RAD54B: variants seen among roughly 807,000 people sequenced by gnomAD.
RAD54B encodes the protein RAD54 homolog B.
RAD54B carries 78 observed loss-of-function variants against 95.8 expected under a neutral mutation model. The ratio of observed to expected loss-of-function variants is 0.81; its 90% CI spans 0.68 to 0.98. The LOEUF (loss-of-function observed/expected upper bound fraction) is 0.98. RAD54B is among the 50% of genes least tolerant of loss of function. The pLI is 0.00. For synonymous variants in RAD54B, 328 were observed against 354.9 expected (o/e 0.92, Z 0.85); for missense variants, 957 against 1,056.6 (o/e 0.91, Z 1.31).
intron 9 of RAD54B, among the ~76,000 whole-genome samples, chr8:94,392,195 A>C (rs1811039685): frequency 5.9e-5 from 9 of 152,330 alleles, no homozygotes; most frequent in Admixed American, 4.6e-4. Context: ...GTAGACCATA[A>C]TTTAACCATT....
chr8:94,451,433 C>A (rs898949785), intron 3 of RAD54B, among the ~76,000 whole-genome samples: 2 of 152,076 alleles, frequency 1.3e-5, no homozygotes, highest in Non-Finnish European at 2.9e-5. Flanking sequence ...AGAATGCCAA[C>A]TAATAAATAT....
At chr8:94,421,996 CTA>C (rs1329521331) in intron 3 of RAD54B, among the ~76,000 whole-genome samples, 1 of 152,174 alleles carries the variant, frequency 6.6e-6, no homozygotes, top group African/African-American at 2.4e-5. Context: ...CTATTTCCAG[CTA>C]TAGACTTTTA....
At chr8:94,473,676 T>A (rs890551802) in intron 1 of RAD54B, among the ~76,000 whole-genome samples, 1 of 152,212 alleles carries the variant, frequency 6.6e-6, no homozygotes, top group Non-Finnish European at 1.5e-5. Context: ...TGGGTTCGTC[T>A]GGGCTTTAAA....
intron 10 of RAD54B, 115 bp from the exon 11 acceptor site, chr8:94,387,274 C>A: frequency 1.2e-6 from 1 of 841,284 alleles, no homozygotes; most frequent in Non-Finnish European, 1.8e-6. Flanking sequence ...CTGAAAAGTC[C>A]AAGAAACTGT....
rs377096510 is a variant in RAD54B, at chr8:94,395,857, C to T, written c.1379-1975G>A. On this transcript the variant is annotated intron_variant, in intron 8 of 14. Transcript: ENST00000336148. ...AAATATGGCAGAGCAGAAGACATAA[C>T]CAGAATCCTTGATGACAACGTTGGG... Among the ~76,000 whole-genome samples, 4 of 152,178 alleles carry T rather than the reference C, an allele frequency of 2.6e-5. No homozygotes were observed. In the East Asian group the frequency reaches 7.7e-4, roughly 29 times the overall value.
chr8:94,383,284 C>CAAAAAAAA lies in RAD54B; in HGVS notation c.1986-2886_1986-2879dup, dbSNP rs34552024. Among the ~76,000 whole-genome samples, 5 of 83,172 alleles carry CAAAAAAAA rather than the reference C, an allele frequency of 6.0e-5. 1 individual carries two copies. Among genetic ancestry groups the CAAAAAAAA allele is most frequent in the Non-Finnish European group, 1.1e-4 (5 of 45,518 alleles). 54.6% of individuals were successfully genotyped at this position (83,172 alleles called of 152,430 possible). A position where few individuals can be genotyped will look rare whatever the true frequency, so the allele number is the denominator to read the frequency against. On this transcript the variant is annotated intron_variant, in intron 11 of 14. Coordinates refer to ENST00000336148, the MANE Select transcript of RAD54B (RefSeq NM_012415.3). ...TGGGCAACAGAGCAAGACTCCATCT[C>CAAAAAAAA]AAAAAAAAAAAAAAAAAAAGCCCCA...
At chr8:94,399,992 G>A (rs897710091) in intron 7 of RAD54B, among the ~76,000 whole-genome samples, 1 of 150,930 alleles carries the variant, frequency 6.6e-6, no homozygotes, top group Admixed American at 6.6e-5. Context: ...CTACCCTCAC[G>A]ACCTCATTTA....
At chr8:94,429,545 A>C (rs1242817028) in intron 3 of RAD54B, 1 of 983,686 alleles carries the variant, frequency 1.0e-6, no homozygotes, top group East Asian at 1.1e-4. Context: ...CTGTAAAGTG[A>C]ATTACATCTC....
intron 3 of RAD54B, among the ~76,000 whole-genome samples, chr8:94,438,317 G>A (rs1812318859): frequency 1.3e-5 from 2 of 152,238 alleles, no homozygotes; most frequent in Admixed American, 1.3e-4. Flanking sequence ...TCTACGGAAT[G>A]CTAGATGTTG....
At chr8:94,396,857 T>A (rs1811160577) in intron 8 of RAD54B, among the ~76,000 whole-genome samples, 2 of 152,046 alleles carry the variant, frequency 1.3e-5, no homozygotes, top group Non-Finnish European at 2.9e-5. Flanking sequence ...ATGACTGGTG[T>A]CCTTCTAAGA....
At chr8:94,414,026 G>C (rs1473753574) in intron 3 of RAD54B, among the ~76,000 whole-genome samples, 2 of 151,784 alleles carry the variant, frequency 1.3e-5, no homozygotes, top group Admixed American at 6.6e-5. Flanking sequence ...AGCAGAGACG[G>C]GGTTTCACCA....
At chr8:94,380,519 C>A in intron 11 of RAD54B, 113 bp from the exon 12 acceptor site, 1 of 1,065,332 alleles carries the variant, frequency 9.4e-7, no homozygotes, top group South Asian at 1.7e-5. Flanking sequence ...GAACATGCAA[C>A]AATGACCTTG....
chr8:94,466,859 T>C (rs1228206728), intron 2 of RAD54B, among the ~76,000 whole-genome samples: 1 of 152,204 alleles, frequency 6.6e-6, no homozygotes, highest in African/African-American at 2.4e-5. Flanking sequence ...TCTCCACCCC[T>C]TCCCTCAAAG....
At chr8:94,389,122 T>G (rs1032998468) in intron 10 of RAD54B, among the ~76,000 whole-genome samples, 1 of 152,112 alleles carries the variant, frequency 6.6e-6, no homozygotes, top group Admixed American at 6.5e-5. Context: ...AGATGGGTGA[T>G]CTTTTCTTTT....
At chr8:94,450,697 T>G (rs769626413) in intron 3 of RAD54B, among the ~76,000 whole-genome samples, 1 of 152,050 alleles carries the variant, frequency 6.6e-6, no homozygotes, top group Non-Finnish European at 1.5e-5. Flanking sequence ...CTGGCCAACA[T>G]GGCAAAACCC....
Position 94,380,271 on chromosome 8 carries a change from G to A in RAD54B, c.2121C>T (p.Asn707=). The A allele has an allele frequency of 6.2e-7, 1 of 1,614,054 alleles. No homozygotes were observed. Among genetic ancestry groups the A allele is most frequent in the Admixed American group, 1.7e-5 (1 of 60,012 alleles). ...SQRQQIVDGF[N]SQHSSFFIFL... is the part of the protein sequence containing the mutation. ...AAATAAAAAAAGAAGAGTGTTGACT[G>A]TTAAAGCCATCAACAATCTGCTGCC... Residue 707 remains asparagine, a synonymous_variant, in exon 12 of 15, where the codon AAC becomes AAT. Coordinates refer to ENST00000336148, the MANE Select transcript of RAD54B (RefSeq NM_012415.3).
At chr8:94,409,050 G>A (rs1811465791) in intron 4 of RAD54B, among the ~76,000 whole-genome samples, 1 of 151,232 alleles carries the variant, frequency 6.6e-6, no homozygotes, top group South Asian at 2.1e-4. Flanking sequence ...TGAGCCTGAT[G>A]CATTATCACA....
chr8:94,418,858 G>C (rs1586153134), intron 3 of RAD54B, among the ~76,000 whole-genome samples: 2 of 152,060 alleles, frequency 1.3e-5, no homozygotes, highest in Non-Finnish European at 2.9e-5. Flanking sequence ...AATTTTGATA[G>C]CTTTGACTAT....
intron 3 of RAD54B, among the ~76,000 whole-genome samples, chr8:94,419,515 A>T (rs1352364635): frequency 6.6e-6 from 1 of 152,156 alleles, no homozygotes; most frequent in Non-Finnish European, 1.5e-5. Flanking sequence ...TCTCAAAAAA[A>T]TAAATAAATA....
Sources: gnomAD v4.1 joint callset for allele counts (sites outside exome capture counted in the v4.1 genomes callset) on GRCh38, gnomAD v4.1.1 for gene constraint, MANE v1.5 for transcripts, NCBI Gene and HGNC (gene_info 2026-07-23, HGNC 2026-07-21) for gene names.